The following YWHAH variants were observed in gnomAD, a reference collection of about 807,000 sequenced individuals.
YWHAH encodes tyrosine 3-monooxygenase/tryptophan 5-monooxygenase activation protein eta.
YWHAH carries 6 observed loss-of-function variants against 22.9 expected under a neutral mutation model. The ratio of observed to expected loss-of-function variants is 0.26; its 90% CI spans 0.14 to 0.52. The LOEUF (loss-of-function observed/expected upper bound fraction) is 0.52, where lower values mean the gene tolerates loss of function less well. YWHAH is among the 20% of genes least tolerant of loss of function. The pLI is 0.97. For synonymous variants in YWHAH, 135 were observed against 124.5 expected (o/e 1.08, Z -0.56); for missense variants, 173 against 308.6 (o/e 0.56, Z 3.29).
Position 31,956,173 on chromosome 22 carries a change from A to G in YWHAH, c.122A>G (p.Asp41Gly). 6.2e-7 allele frequency: 1 copy of G among 1,613,464 alleles called. No homozygotes were observed. The highest frequency in any genetic ancestry group is 1.7e-5 in the Admixed American group (1 of 59,830). Residue 41 changes from aspartate to glycine, a missense_variant, in exon 2 of 2, where the codon GAT becomes GGT. Coordinates refer to ENST00000248975, the MANE Select transcript of YWHAH (RefSeq NM_003405.4). The surrounding 1 kb of genome is among the most constrained non-coding windows in gnomAD (Gnocchi z 5.1). ...TELNEPLSNE[D>G]RNLLSVAYKN... ...CTGAATGAACCTCTCTCCAATGAAGATCGAAATCTCCTCTCTGTGGCCTAC... is the reference window on the plus strand; with the variant it reads ...CTGAATGAACCTCTCTCCAATGAAGGTCGAAATCTCCTCTCTGTGGCCTAC...
intron 1 of YWHAH, 71 bp downstream of exon 1, chr22:31,944,891 G>C: frequency 8.4e-7 from 1 of 1,191,594 alleles, no homozygotes; most frequent in Non-Finnish European, 1.0e-6. Flanking sequence ...GGATGGCCGC[G>C]GGCGCGTTCC....
intron 1 of YWHAH, among the ~76,000 whole-genome samples, chr22:31,951,127 C>G (rs1408113905): frequency 1.3e-5 from 2 of 152,086 alleles, no homozygotes; most frequent in Admixed American, 1.3e-4. Flanking sequence ...TCCCTGGCCT[C>G]AAGTGATCCG....
At chr22:31,947,529 GC>G (rs2093836738) in intron 1 of YWHAH, 2 of 468,438 alleles carry the variant, frequency 4.3e-6, no homozygotes, top group Non-Finnish European at 8.8e-6. Flanking sequence ...CAATGGTCTT[GC>G]CTCAAACCTG....
intron 1 of YWHAH, chr22:31,945,578 G>A: frequency 7.7e-7 from 1 of 1,303,808 alleles, no homozygotes; most frequent in Admixed American, 2.3e-5. Context: ...GATGAGTCGT[G>A]CCCAGCCACA....
At chr22:31,944,964 G>A (rs1175836479) in intron 1 of YWHAH, 144 bp downstream of exon 1, 3 of 1,121,682 alleles carry the variant, frequency 2.7e-6, no homozygotes, top group South Asian at 4.4e-5. Flanking sequence ...CCCTTAGCCC[G>A]CGCTTCCCGC....
At chr22:31,953,836 TTTGCCTG>T (rs2093846353) in intron 1 of YWHAH, among the ~76,000 whole-genome samples, 1 of 123,126 alleles carries the variant, frequency 8.1e-6, no homozygotes, top group Non-Finnish European at 1.8e-5. Flanking sequence ...AAGGAGAGAC[TTTGCCTG>T]TGTTAAGGGT....
chr22:31,946,836 A>G (rs1422885395), intron 1 of YWHAH, among the ~76,000 whole-genome samples: 1 of 152,194 alleles, frequency 6.6e-6, no homozygotes, highest in East Asian at 1.9e-4. Context: ...TTTGTAAACC[A>G]AAGGAATCTA....
At chr22:31,955,418 C>T (rs187049465) in intron 1 of YWHAH, among the ~76,000 whole-genome samples, 1 of 150,084 alleles carries the variant, frequency 6.7e-6, no homozygotes, top group Non-Finnish European at 1.5e-5. Flanking sequence ...AGGGACCGTA[C>T]GATCTTACTG....
chr22:31,952,729 G>A (rs1302245012), intron 1 of YWHAH, among the ~76,000 whole-genome samples: 1 of 152,160 alleles, frequency 6.6e-6, no homozygotes, highest in Non-Finnish European at 1.5e-5. Context: ...TTCTTGTGAA[G>A]GTGTCATCAT....
intron 1 of YWHAH, among the ~76,000 whole-genome samples, chr22:31,949,574 T>C (rs1012853808): frequency 1.3e-5 from 2 of 152,030 alleles, no homozygotes; most frequent in Non-Finnish European, 2.9e-5. Context: ...CTTGGTTCAC[T>C]GCAAGCTCCG....
At chr22:31,950,718 GC>G (rs1031164845) in intron 1 of YWHAH, among the ~76,000 whole-genome samples, 1 of 152,128 alleles carries the variant, frequency 6.6e-6, no homozygotes, top group African/African-American at 2.4e-5. Context: ...CAGAATTGCA[GC>G]CTCATCCTGG....
At chr22:31,945,310 C>T (rs2093832333) in intron 1 of YWHAH, 10 of 1,207,282 alleles carry the variant, frequency 8.3e-6, no homozygotes, top group African/African-American at 1.6e-5. Flanking sequence ...TTTTGCTCTG[C>T]TCGTTCGAAT....
chr22:31,948,727 T>C (rs979516070), intron 1 of YWHAH, among the ~76,000 whole-genome samples: 6 of 152,330 alleles, frequency 3.9e-5, no homozygotes, highest in African/African-American at 1.2e-4. Context: ...ATGTAAAAAC[T>C]AGGGAGCTAT....
rs1207917259 is a variant in YWHAH at position 31,957,405 on chromosome 22, T to A, written c.*613T>A. On this transcript the variant is annotated 3_prime_UTR_variant, in exon 2 of 2. Coordinates refer to ENST00000248975, the MANE Select transcript of YWHAH (RefSeq NM_003405.4). ...ATCTGAAAGTTTTGATACTTGTAAC[T>A]TTTTTTTTTTTTTGGTTGCAATTGT... 1.5e-5 allele frequency: 1 copy of A among 65,260 alleles called. No homozygotes were observed. Among genetic ancestry groups the A allele is most frequent in the African/African-American group, 4.3e-5 (1 of 23,434 alleles). 4.0% of individuals were successfully genotyped at this position (65,260 alleles called of 1,614,324 possible).
rs939640024 is a variant in YWHAH, at chr22:31,944,811, T to C, written c.78T>C (p.Ala26=). 1 of 1,393,764 alleles carries C rather than the reference T, an allele frequency of 7.2e-7. No individual in the cohort carries two copies. 86.3% of individuals were successfully genotyped at this position (1,393,764 alleles called of 1,614,324 possible). The part of the protein sequence containing the change: ...QAERYDDMAS[A]MKAVTELNEP... Reference sequence around the variant, plus strand: ...AGCGCTACGACGACATGGCCTCCGCTATGAAGGCGGTGAGCGCGCCGGGAG... The same window carrying C: ...AGCGCTACGACGACATGGCCTCCGCCATGAAGGCGGTGAGCGCGCCGGGAG... The change falls in exon 1 of 2, where the codon GCT becomes GCC. Residue 26 remains alanine (A), a synonymous_variant. Transcript: ENST00000248975.
At chr22:31,946,658 C>T (rs1603049607) in intron 1 of YWHAH, among the ~76,000 whole-genome samples, 1 of 152,220 alleles carries the variant, frequency 6.6e-6, no homozygotes, top group South Asian at 2.1e-4. Context: ...CAATCAGAAA[C>T]CTGAGGCAAC....
chr22:31,950,807 A>G (rs1436600181), intron 1 of YWHAH, among the ~76,000 whole-genome samples: 2 of 152,102 alleles, frequency 1.3e-5, no homozygotes, highest in Non-Finnish European at 2.9e-5. Context: ...CTGTTGGTGG[A>G]TATCTTTCCA....
chr22:31,948,662 A>G (rs1378817662), intron 1 of YWHAH, among the ~76,000 whole-genome samples: 1 of 152,220 alleles, frequency 6.6e-6, no homozygotes, highest in African/African-American at 2.4e-5. Flanking sequence ...GGAGTGAGCT[A>G]CCACACCCAA....
At chr22:31,945,068 G>C in intron 1 of YWHAH, 1 of 1,103,356 alleles carries the variant, frequency 9.1e-7, no homozygotes, top group Non-Finnish European at 1.1e-6. Context: ...CCCCGGAAGG[G>C]GGGCGGGCCG....
Sources: allele counts gnomAD v4.1 joint callset (sites outside exome capture counted in the v4.1 genomes callset), GRCh38; gene constraint gnomAD v4.1.1; non-coding constraint Gnocchi (gnomAD v3.1); transcripts MANE v1.5; gene names NCBI Gene and HGNC (gene_info 2026-07-23, HGNC 2026-07-21).